Variants in FBLN1 observed in about 807,000 individuals in gnomAD.
FBLN1 encodes the protein fibulin-1.
FBLN1 carries 34 observed loss-of-function variants against 89.7 expected under a neutral mutation model. The observed-to-expected ratio is 0.38, with a 90% CI of 0.29 to 0.50. The LOEUF is 0.50. FBLN1 is among the 20% of genes least tolerant of loss of function. The pLI, the probability that FBLN1 is intolerant of heterozygous loss-of-function variation, is 0.92. For missense variants in FBLN1, 777 were observed against 988.1 expected (o/e 0.79, Z 2.86); for synonymous variants, 393 against 391.3 (o/e 1.00, Z -0.05).
At chr22:45,567,900 C>T (rs977206930) in intron 14 of FBLN1, among the ~76,000 whole-genome samples, 3 of 152,118 alleles carry the variant, frequency 2.0e-5, no homozygotes, top group African/African-American at 7.2e-5. Context: ...GCAGCTGAAA[C>T]TGGGAGGCGT....
chr22:45,590,766 G>A lies in FBLN1; in HGVS notation c.1973-9541G>A, dbSNP rs186553953. On this transcript the variant is annotated intron_variant, in intron 16 of 16. Coordinates refer to ENST00000327858, the MANE Select transcript of FBLN1 (RefSeq NM_006486.3). This position sits in a 1 kb window ranked among gnomAD's most constrained non-coding sequence, Gnocchi z 4.1. The stretch of plus-strand genomic sequence containing the variant: ...TGGGAGTAAGGGGCCTATCGAGGGC[G>A]ACTCCAAGTTCCTGGCTTGGGGGTA... Among the ~76,000 whole-genome samples the A allele has an allele frequency of 3.3e-5, 5 of 152,270 alleles. No individual in the cohort carries two copies. The highest frequency in any genetic ancestry group is 2.1e-4 in the South Asian group (1 of 4,826).
intron 2 of FBLN1, among the ~76,000 whole-genome samples, chr22:45,519,866 G>T (rs559485572): frequency 6.6e-6 from 1 of 151,518 alleles, no homozygotes; most frequent in Non-Finnish European, 1.5e-5. Context: ...CCTTTCTGGG[G>T]TTGTTATAAT....
intron 8 of FBLN1, among the ~76,000 whole-genome samples, chr22:45,539,570 G>A (rs1352346316): frequency 1.3e-5 from 2 of 152,146 alleles, no homozygotes; most frequent in Non-Finnish European, 2.9e-5. Context: ...GACCTTGCCT[G>A]GGGATGTCGG....
intron 14 of FBLN1, chr22:45,564,765 C>CA (rs1392243783): frequency 8.2e-7 from 1 of 1,218,132 alleles, no homozygotes; most frequent in East Asian, 2.5e-5. Flanking sequence ...CCTTGCAAGA[C>CA]ATCTCGCGTG....
chr22:45,506,885 G>A (rs2088028521), intron 1 of FBLN1, among the ~76,000 whole-genome samples: 1 of 152,152 alleles, frequency 6.6e-6, no homozygotes. Context: ...GTTCTAAGAG[G>A]GCATGTAGTT....
chr22:45,558,120 G>A, intron 14 of FBLN1: 1 of 716,352 alleles, frequency 1.4e-6, no homozygotes, highest in Non-Finnish European at 2.6e-6. Context: ...CTGGAGAAGA[G>A]AAGGCAAGTT....
intron 1 of FBLN1, among the ~76,000 whole-genome samples, chr22:45,516,398 C>A (rs1004120480): frequency 6.6e-6 from 1 of 152,186 alleles, no homozygotes; most frequent in African/African-American, 2.4e-5. Context: ...GAGTGCACCA[C>A]GGCCTGTCTC....
chr22:45,543,551 A>C (rs765649784), intron 11 of FBLN1, 25 bp downstream of exon 11: 5 of 1,608,642 alleles, frequency 3.1e-6, no homozygotes, highest in Middle Eastern at 2.0e-4. Context: ...CCGTCCACTC[A>C]CCTCCCCCAG....
chr22:45,519,136 G>T (rs1261958567), intron 2 of FBLN1, among the ~76,000 whole-genome samples: 1 of 152,144 alleles, frequency 6.6e-6, no homozygotes, highest in African/African-American at 2.4e-5. Context: ...TGTGACTAAA[G>T]AGCTTTGCGA....
At chr22:45,527,821 T>A (rs769597900) in intron 3 of FBLN1, 26 bp from the exon 4 acceptor site, 8 of 1,612,846 alleles carry the variant, frequency 5.0e-6, no homozygotes, top group Non-Finnish European at 6.8e-6. Flanking sequence ...CGCTCCTCCA[T>A]CTGGGATCTC....
Position 45,586,319 on chromosome 22 carries a change from C to T in FBLN1, c.1972+9211C>T, listed in dbSNP as rs554582961. Among the ~76,000 whole-genome samples the T allele has an allele frequency of 1.2e-4, 18 of 152,238 alleles. 1 individual carries two copies. Among genetic ancestry groups the T allele is most frequent in the Non-Finnish European group, 7.3e-5 (5 of 68,038 alleles). ...GCTCAGCACCCCCTGCCGTGGCCGCCTCTGCAGGAGGAGACAGCATGGTGG... is the reference window on the plus strand; with the variant it reads ...GCTCAGCACCCCCTGCCGTGGCCGCTTCTGCAGGAGGAGACAGCATGGTGG... On this transcript the variant is annotated intron_variant, in intron 16 of 16. Transcript: ENST00000327858.
intron 8 of FBLN1, among the ~76,000 whole-genome samples, chr22:45,539,080 TC>T (rs1485039354): frequency 1.6e-4 from 20 of 128,116 alleles, no homozygotes; most frequent in Middle Eastern, 3.8e-3. Context: ...CTCCTCCTCT[TC>T]CCCCTCCCAT....
At chr22:45,542,016 G>C in intron 9 of FBLN1, 139 bp from the exon 10 acceptor site, 1 of 1,306,476 alleles carries the variant, frequency 7.7e-7, no homozygotes, top group Non-Finnish European at 1.1e-6. Context: ...CACTCAGTAG[G>C]TGCTCTGTGA....
Position 45,561,102 on chromosome 22 carries a change from C to G in FBLN1, c.1697+10487C>G, listed in dbSNP as rs537089454. On this transcript the variant is annotated intron_variant, in intron 14 of 16. Transcript: ENST00000327858. The surrounding 1 kb of genome is among the most constrained non-coding windows in gnomAD (Gnocchi z 4.7). ...TCATCAGGCTCCTCCCACATGTCCCCATTCCAAGTTGCAGGGTCCCATTCT... is the reference window on the plus strand; with the variant it reads ...TCATCAGGCTCCTCCCACATGTCCCGATTCCAAGTTGCAGGGTCCCATTCT... Among the ~76,000 whole-genome samples the G allele has an allele frequency of 6.2e-4, 95 of 152,346 alleles. 1 individual carries two copies. The South Asian group carries it at 0.02, about 32-fold the overall frequency.
rs1226055627 is a variant in FBLN1, at chr22:45,575,305, T to C, written c.1840+652T>C. On this transcript the variant is annotated intron_variant, in intron 15 of 16. Transcript: ENST00000327858. This position sits in a 1 kb window ranked among gnomAD's most constrained non-coding sequence, Gnocchi z 6.3. Reference sequence around the variant, plus strand: ...GGCTGGGTCCTGAGTGGTGAGGTATTTGAGTGAAAGGGGGAGAAGGGGAGG... The same window carrying C: ...GGCTGGGTCCTGAGTGGTGAGGTATCTGAGTGAAAGGGGGAGAAGGGGAGG... Among the ~76,000 whole-genome samples the C allele has an allele frequency of 6.6e-6, 1 of 151,642 alleles. No homozygotes were observed. Among genetic ancestry groups the C allele is most frequent in the East Asian group, 1.9e-4 (1 of 5,160 alleles).
intron 1 of FBLN1, among the ~76,000 whole-genome samples, chr22:45,509,724 T>TGG (rs1246385680): frequency 6.6e-6 from 1 of 151,684 alleles, no homozygotes; most frequent in Non-Finnish European, 1.5e-5. Context: ...AGGGTGCAGG[T>TGG]GGGGGTTGGG....
rs546204335 is a variant in FBLN1 at position 45,580,638 on chromosome 22, G to C, written c.1972+3530G>C. Among the ~76,000 whole-genome samples the C allele has an allele frequency of 6.6e-6, 1 of 152,196 alleles. No homozygotes were observed. Among genetic ancestry groups the C allele is most frequent in the Non-Finnish European group, 1.5e-5 (1 of 68,030 alleles). ...TGGGGCCAGAGCGGGCCTGGAGCCC[G>C]GTCTTCCCCAGACACCACACCCGCC... On this transcript the variant is annotated intron_variant, in intron 16 of 16. Transcript: ENST00000327858. The surrounding 1 kb of genome is among the most constrained non-coding windows in gnomAD (Gnocchi z 8.6).
Position 45,600,322 on chromosome 22 carries a change from T to C in FBLN1, c.1988T>C (p.Val663Ala), listed in dbSNP as rs781295377. The C allele has an allele frequency of 1.9e-6, 3 of 1,614,236 alleles. No homozygotes were observed. Among genetic ancestry groups the C allele is most frequent in the Non-Finnish European group, 2.5e-6 (3 of 1,180,040 alleles). ...DGMTVGVVRQ[V>A]RPIVGPFHAV... Reference sequence around the variant, plus strand: ...CTCTCCGCAGGTGTCGTGCGCCAGGTGCGGCCCATCGTGGGCCCATTTCAT... The same window carrying C: ...CTCTCCGCAGGTGTCGTGCGCCAGGCGCGGCCCATCGTGGGCCCATTTCAT... The change falls in exon 17 of 17, where the codon GTG (valine) becomes GCG (alanine). Residue 663 changes from valine (V) to alanine (A), a missense_variant. Coordinates refer to ENST00000327858, the MANE Select transcript of FBLN1 (RefSeq NM_006486.3).
chr22:45,517,853 G>A (rs2146949150), intron 1 of FBLN1, among the ~76,000 whole-genome samples: 1 of 152,216 alleles, frequency 6.6e-6, no homozygotes, highest in Non-Finnish European at 1.5e-5. Context: ...TTTTTAGGCT[G>A]GGTGCGGTGG....
Sources: allele counts gnomAD v4.1 joint callset (sites outside exome capture counted in the v4.1 genomes callset), GRCh38; gene constraint gnomAD v4.1.1; non-coding constraint Gnocchi (gnomAD v3.1); transcripts MANE v1.5; gene names NCBI Gene and HGNC (gene_info 2026-07-23, HGNC 2026-07-21).